Variants in LUC7L2 observed in about 807,000 individuals in gnomAD.
LUC7L2 encodes the protein putative RNA-binding protein Luc7-like 2.
Under a neutral mutation model 52.8 loss-of-function variants are expected in LUC7L2, and 25 were observed. That is an observed-to-expected ratio of 0.47 (90% CI 0.34 to 0.66). LUC7L2 has a LOEUF of 0.66. Among genes scored for constraint, LUC7L2 ranks in the 30% least tolerant of loss-of-function variants. LUC7L2 has a pLI of 0.01. For synonymous variants in LUC7L2, 144 were observed against 160.9 expected, an observed-to-expected ratio of 0.89 and a Z score of 0.80; for missense variants, 328 against 497.8, an observed-to-expected ratio of 0.66 and a Z score of 3.25.
intron 1 of LUC7L2, chr7:139,341,313 G>T: frequency 1.9e-6 from 3 of 1,543,728 alleles, no homozygotes; most frequent in South Asian, 1.2e-5. Context: ...ACCATTAGGC[G>T]CCTGGGCCGG....
At chr7:139,378,820 C>T (rs182950267) in intron 2 of LUC7L2, among the ~76,000 whole-genome samples, 636 of 152,282 alleles carry the variant, frequency 4.2e-3, no homozygotes, top group Middle Eastern at 0.01. Context: ...ATGACACTTT[C>T]GGAGTCTCAC....
intron 7 of LUC7L2, among the ~76,000 whole-genome samples, chr7:139,409,930 G>A (rs888496037): frequency 4.6e-5 from 7 of 152,254 alleles, no homozygotes; most frequent in Admixed American, 1.3e-4. Flanking sequence ...AAATCCAGCC[G>A]GGCATGGTGG....
chr7:139,388,959 C>T (rs1356077781), intron 2 of LUC7L2, among the ~76,000 whole-genome samples: 1 of 152,028 alleles, frequency 6.6e-6, no homozygotes, highest in Non-Finnish European at 1.5e-5. Context: ...TGATCTTAGG[C>T]AAATATTGAT....
At chr7:139,406,568 G>A (rs796634226) in intron 5 of LUC7L2, among the ~76,000 whole-genome samples, 9 of 151,974 alleles carry the variant, frequency 5.9e-5, no homozygotes, top group African/African-American at 2.2e-4. Flanking sequence ...TGGCCAGGCT[G>A]GTCTTGAACT....
intron 1 of LUC7L2, among the ~76,000 whole-genome samples, chr7:139,370,999 G>T (rs1800422855): frequency 6.6e-6 from 1 of 152,186 alleles, no homozygotes; most frequent in Non-Finnish European, 1.5e-5. Flanking sequence ...TCACTGAGGG[G>T]TTATGGATCT....
At chr7:139,360,803 C>G (rs925539665) in intron 1 of LUC7L2, among the ~76,000 whole-genome samples, 1 of 152,120 alleles carries the variant, frequency 6.6e-6, no homozygotes, top group African/African-American at 2.4e-5. Context: ...TATTACTAAC[C>G]CAGTCTCAGA....
intron 2 of LUC7L2, among the ~76,000 whole-genome samples, chr7:139,383,583 T>C (rs185350703): frequency 9.4e-5 from 14 of 149,494 alleles, no homozygotes; most frequent in African/African-American, 3.5e-4. Context: ...CCTGGCTAAT[T>C]GTTTGTATTT....
In LUC7L2 at chr7:139,374,482, G is replaced by A. The variant is rs891390041; in HGVS notation, c.62-1580G>A. On this transcript the variant is annotated intron_variant, in intron 1 of 9. Coordinates refer to ENST00000354926, the MANE Select transcript of LUC7L2 (RefSeq NM_016019.5). Reference sequence around the variant, plus strand: ...CGCATTCGCCAAGCCGTGAGTTATCGCTAACTTTTCAGATGTGTTAATGAA... The same window carrying A: ...CGCATTCGCCAAGCCGTGAGTTATCACTAACTTTTCAGATGTGTTAATGAA... The A allele has an allele frequency of 1.0e-5, 16 of 1,550,522 alleles. No homozygotes were observed. The Admixed American group carries it at 2.2e-4, about 21-fold the overall frequency.
chr7:139,421,071 G>C (rs900306382), intron 9 of LUC7L2, among the ~76,000 whole-genome samples: 1 of 152,194 alleles, frequency 6.6e-6, no homozygotes, highest in Non-Finnish European at 1.5e-5. Context: ...AAAGTGCTGG[G>C]ATTACAGGCG....
chr7:139,386,861 C>CA (rs1358599175), intron 2 of LUC7L2, among the ~76,000 whole-genome samples: 9 of 151,494 alleles, frequency 5.9e-5, no homozygotes, highest in Admixed American at 4.6e-4. Flanking sequence ...TTTTTTGAGA[C>CA]AGAGTTTTGC....
upstream of LUC7L2, among the ~76,000 whole-genome samples, chr7:139,358,393 G>A (rs4398844): frequency 0.39 from 58,858 of 152,178 alleles, 15,842 homozygotes; most frequent in African/African-American, 0.77. Context: ...AAGGCGATGA[G>A]TATACAGTGT....
upstream of LUC7L2, among the ~76,000 whole-genome samples, chr7:139,355,690 A>T (rs544835070): frequency 1.4e-4 from 21 of 152,358 alleles, no homozygotes; most frequent in South Asian, 4.3e-3. Flanking sequence ...AGAAAAAGGC[A>T]TCGGCTTTGA....
intron 3 of LUC7L2, 130 bp downstream of exon 3, chr7:139,398,827 G>C (rs769819964): frequency 4.2e-5 from 29 of 690,460 alleles, no homozygotes; most frequent in Non-Finnish European, 6.2e-5. Flanking sequence ...TAAGACTCAA[G>C]TAAGATCATG....
At chr7:139,401,161 A>G (rs942428866) in intron 3 of LUC7L2, among the ~76,000 whole-genome samples, 3 of 152,092 alleles carry the variant, frequency 2.0e-5, no homozygotes, top group South Asian at 2.1e-4. Context: ...AAAATTCTCA[A>G]TGGTTTATTC....
chr7:139,420,633 A>G (rs1048757729), intron 9 of LUC7L2, among the ~76,000 whole-genome samples: 6 of 152,226 alleles, frequency 3.9e-5, no homozygotes, highest in Non-Finnish European at 5.9e-5. Flanking sequence ...TATGTGTGGG[A>G]CATAGTAGTT....
chr7:139,372,894 A>G (rs1800525508), intron 1 of LUC7L2, among the ~76,000 whole-genome samples: 1 of 152,224 alleles, frequency 6.6e-6, no homozygotes. Context: ...TGCCTAGCAC[A>G]GCAGATGTTG....
intron 1 of LUC7L2, among the ~76,000 whole-genome samples, chr7:139,360,628 T>C (rs916810580): frequency 2.0e-5 from 3 of 152,138 alleles, no homozygotes; most frequent in Admixed American, 2.0e-4. Flanking sequence ...TGTTGCGTAG[T>C]TGGGGGGCCC....
intron 3 of LUC7L2, among the ~76,000 whole-genome samples, chr7:139,399,516 C>G (rs777570379): frequency 7.2e-5 from 9 of 124,776 alleles, no homozygotes; most frequent in Non-Finnish European, 9.5e-5. Flanking sequence ...GTAGCCCAGA[C>G]TGGAGTGCAG....
intron 5 of LUC7L2, among the ~76,000 whole-genome samples, chr7:139,406,968 T>C (rs1037225888): frequency 4.5e-4 from 68 of 151,128 alleles, no homozygotes; most frequent in Non-Finnish European, 8.0e-4. Context: ...AGGGAACCTA[T>C]AATTTTCATA....
Sources: gnomAD v4.1 joint callset for allele counts (sites outside exome capture counted in the v4.1 genomes callset) on GRCh38, gnomAD v4.1.1 for gene constraint, MANE v1.5 for transcripts, NCBI Gene and HGNC (gene_info 2026-07-23, HGNC 2026-07-21) for gene names.